Variants in ADAMTS12 observed in about 807,000 individuals in gnomAD.
The protein encoded by ADAMTS12 is ADAM metallopeptidase with thrombospondin type 1 motif 12, also known as A disintegrin and metalloproteinase with thrombospondin motifs 12.
Under a neutral mutation model 167.8 loss-of-function variants are expected in ADAMTS12, and 118 were observed. That is an observed-to-expected ratio of 0.70 (90% CI 0.61 to 0.82). The LOEUF (loss-of-function observed/expected upper bound fraction) is 0.82, where lower values mean the gene tolerates loss of function less well. Ranked by LOEUF, ADAMTS12 falls within the 40% of genes least tolerant of loss-of-function variation. The probability of loss-of-function intolerance (pLI) is 0.00; values close to 1 mark genes in which losing one functional copy is unlikely to be tolerated. For synonymous variants in ADAMTS12, 704 were observed against 716.9 expected (o/e 0.98, Z 0.29); for missense variants, 1,916 against 1,998.8 (o/e 0.96, Z 0.79).
At chr5:33,678,348 T>C (rs866962780) in intron 5 of ADAMTS12, among the ~76,000 whole-genome samples, 13 of 152,240 alleles carry the variant, frequency 8.5e-5, no homozygotes, top group Admixed American at 4.6e-4. Context: ...GTCTATTATA[T>C]ACCAGTGAGC....
At chr5:33,664,144 C>T (rs1741381971) in intron 5 of ADAMTS12, among the ~76,000 whole-genome samples, 1 of 152,160 alleles carries the variant, frequency 6.6e-6, no homozygotes, top group Admixed American at 6.5e-5. Context: ...CTATTGTAGA[C>T]ACACACAAGC....
intron 2 of ADAMTS12, among the ~76,000 whole-genome samples, chr5:33,754,701 CA>C (rs1253853503): frequency 1.3e-5 from 2 of 152,136 alleles, no homozygotes; most frequent in East Asian, 1.9e-4. Context: ...ACTAAAACTA[CA>C]AAAATTAGCC....
At position 33,891,762 on chromosome 5, in the gene ADAMTS12, G is replaced by C; in HGVS notation, c.95C>G (p.Pro32Arg). The change falls in exon 1 of 24, where the codon CCA becomes CGA. Residue 32 changes from proline to arginine, a missense_variant. Transcript: ENST00000504830. Reference sequence around the variant, plus strand: ...CCTGTCCGGGAAGCGAACCGGGCCTGGCTGAGGCTGTCTCCCATAGCAAAG... The same window carrying C: ...CCTGTCCGGGAAGCGAACCGGGCCTCGCTGAGGCTGTCTCCCATAGCAAAG... ...GALCYGRQPQ[P>R]GPVRFPDRRQ... The C allele has an allele frequency of 6.2e-7, 1 of 1,614,232 alleles. No homozygotes were observed. The highest frequency in any genetic ancestry group is 8.5e-7 in the Non-Finnish European group (1 of 1,180,042).
Position 33,737,143 on chromosome 5 carries a change from C to T in ADAMTS12, c.634+14261G>A, listed in dbSNP as rs367556398. On this transcript the variant is annotated intron_variant, in intron 3 of 23. Transcript: ENST00000504830. ...TTGCTCTGGTCAGAATCTAATGGCC[C>T]TTGTTCTTGTTACTGTGCCATCTTT... Among the ~76,000 whole-genome samples the T allele has an allele frequency of 6.6e-5, 10 of 152,294 alleles. No homozygotes were observed. The East Asian group carries it at 7.7e-4, about 12-fold the overall frequency.
At chr5:33,882,512 T>C (rs2111780927) in intron 1 of ADAMTS12, among the ~76,000 whole-genome samples, 1 of 152,294 alleles carries the variant, frequency 6.6e-6, no homozygotes, top group Middle Eastern at 3.4e-3. Context: ...TGTTTGAGAA[T>C]AACAAAGGAT....
intron 22 of ADAMTS12, among the ~76,000 whole-genome samples, chr5:33,535,239 C>A (rs560317926): frequency 6.6e-6 from 1 of 152,352 alleles, no homozygotes; most frequent in Admixed American, 6.5e-5. Context: ...AGAACGTGCT[C>A]CTTTTTCACA....
At chr5:33,758,754 AG>A (rs1335757961) in intron 2 of ADAMTS12, among the ~76,000 whole-genome samples, 1 of 152,178 alleles carries the variant, frequency 6.6e-6, no homozygotes, top group East Asian at 1.9e-4. Context: ...TGATACAGCC[AG>A]GAGGTGGGAC....
rs1445376776 is a variant in ADAMTS12 at position 33,637,682 on chromosome 5, G to A, written c.1783C>T (p.Pro595Ser). The change falls in exon 12 of 24, where the codon CCC (proline) becomes TCC (serine). Residue 595 changes from proline (P) to serine (S), a missense_variant. By Grantham distance (74) the Pro-to-Ser change is moderately conservative. Coordinates refer to ENST00000504830, the MANE Select transcript of ADAMTS12 (RefSeq NM_030955.4). ...RKRYRLCNVH[P>S]CRSEAPTFRQ... ...AATGTTGGTGCCTCTGAGCGACAGG[G>A]GTGGACGTTGCACAAGCGATAGCGT... 1.2e-6 allele frequency: 2 copies of A among 1,613,736 alleles called. No individual in the cohort carries two copies. Among genetic ancestry groups the A allele is most frequent in the East Asian group, 2.2e-5 (1 of 44,852 alleles).
intron 2 of ADAMTS12, among the ~76,000 whole-genome samples, chr5:33,867,577 A>G (rs1026219929): frequency 2.6e-5 from 4 of 152,114 alleles, no homozygotes; most frequent in African/African-American, 9.7e-5. Flanking sequence ...TCATCTATGT[A>G]ACCAAAAACT....
At chr5:33,742,821 T>G (rs1340841596) in intron 3 of ADAMTS12, among the ~76,000 whole-genome samples, 2 of 152,208 alleles carry the variant, frequency 1.3e-5, no homozygotes, top group African/African-American at 4.8e-5. Flanking sequence ...CTTAGGCAAC[T>G]GAAGGATACT....
intron 19 of ADAMTS12, among the ~76,000 whole-genome samples, chr5:33,563,719 T>C (rs1165751775): frequency 2.0e-5 from 3 of 152,222 alleles, no homozygotes; most frequent in African/African-American, 7.2e-5. Context: ...GGTGAGTCTC[T>C]ATCAAAATAA....
In ADAMTS12 at chr5:33,828,086, C is replaced by A. The variant is rs557323849; in HGVS notation, c.489+53033G>T. Among the ~76,000 whole-genome samples the A allele has an allele frequency of 7.2e-5, 11 of 152,252 alleles. No homozygotes were observed. The South Asian group carries it at 2.3e-3, about 32-fold the overall frequency. On this transcript the variant is annotated intron_variant, in intron 2 of 23. Transcript: ENST00000504830. ...GATGGTTGGGTCACAGGACATATGA[C>A]CACTTAATTTGGAATGCACTCTCAG...
At chr5:33,884,356 C>T (rs975373007) in intron 1 of ADAMTS12, among the ~76,000 whole-genome samples, 4 of 152,188 alleles carry the variant, frequency 2.6e-5, no homozygotes, top group African/African-American at 4.8e-5. Flanking sequence ...CAACCATGAT[C>T]GCTGACATCC....
intron 3 of ADAMTS12, among the ~76,000 whole-genome samples, chr5:33,726,902 C>A (rs939727639): frequency 6.6e-6 from 1 of 150,820 alleles, no homozygotes; most frequent in Non-Finnish European, 1.5e-5. Flanking sequence ...TCCTTTTGGA[C>A]GGCCAGATCC....
At chr5:33,819,776 T>C (rs1459224684) in intron 2 of ADAMTS12, among the ~76,000 whole-genome samples, 1 of 152,094 alleles carries the variant, frequency 6.6e-6, no homozygotes, top group Admixed American at 6.6e-5. Flanking sequence ...CTGGGGGCCA[T>C]CAGTGATGGA....
At position 33,839,058 on chromosome 5, in the gene ADAMTS12, C is replaced by T. The variant is rs73073021; in HGVS notation, c.489+42061G>A. Among the ~76,000 whole-genome samples the T allele has an allele frequency of 4.4e-3, 671 of 152,276 alleles. 1 individual carries two copies. Among genetic ancestry groups the T allele is most frequent in the African/African-American group, 0.015 (636 of 41,568 alleles). On this transcript the variant is annotated intron_variant, in intron 2 of 23. Coordinates refer to ENST00000504830, the MANE Select transcript of ADAMTS12 (RefSeq NM_030955.4). The stretch of plus-strand genomic sequence containing the variant: ...GTTCCCTCCTCTAAAACGTGAAGAT[C>T]CTAAAACAGGTCTTTTCAAACTTGA...
intron 15 of ADAMTS12, among the ~76,000 whole-genome samples, chr5:33,615,070 A>G (rs1738927237): frequency 6.6e-6 from 1 of 152,236 alleles, no homozygotes; most frequent in Admixed American, 6.5e-5. Flanking sequence ...CAATCTACTT[A>G]TCACATGTTT....
At chr5:33,739,242 AACACACACTCCTTC>A (rs1461243224) in intron 3 of ADAMTS12, among the ~76,000 whole-genome samples, 1 of 151,974 alleles carries the variant, frequency 6.6e-6, no homozygotes, top group Non-Finnish European at 1.5e-5. Flanking sequence ...CCCACGCATC[AACACACACTCCTTC>A]ACACACACAT....
intron 2 of ADAMTS12, among the ~76,000 whole-genome samples, chr5:33,768,762 G>T (rs1745636997): frequency 6.6e-6 from 1 of 152,066 alleles, no homozygotes; most frequent in Admixed American, 6.6e-5. Flanking sequence ...GTAGTGGCAT[G>T]ATAAGAAACT....
Sources: gnomAD v4.1 joint callset for allele counts (sites outside exome capture counted in the v4.1 genomes callset) on GRCh38, gnomAD v4.1.1 for gene constraint, MANE v1.5 for transcripts, NCBI Gene and HGNC (gene_info 2026-07-23, HGNC 2026-07-21) for gene names.